ERGIC3: variants seen among roughly 807,000 people sequenced by gnomAD.
ERGIC3 encodes the protein endoplasmic reticulum-Golgi intermediate compartment protein 3.
In ERGIC3, 33 loss-of-function variants were observed where a neutral mutation model predicts 54.7. The observed-to-expected ratio is 0.60, with a 90% CI of 0.46 to 0.81. ERGIC3 has a LOEUF of 0.81. Ranked by LOEUF, ERGIC3 falls within the 30% of genes least tolerant of loss-of-function variation. ERGIC3 has a pLI of 0.00. For missense variants in ERGIC3, 399 were observed against 488.4 expected (o/e 0.82, Z 1.73); for synonymous variants, 186 against 189.8 (o/e 0.98, Z 0.16).
In ERGIC3 at chr20:35,557,521, C is replaced by CTCTG. The variant is rs752902521; in HGVS notation, c.*21_*24dup. 5.6e-6 allele frequency: 9 copies of CTCTG among 1,610,308 alleles called. No individual in the cohort carries two copies. The East Asian group carries it at 1.6e-4, about 28-fold the overall frequency. On this transcript the variant is annotated 3_prime_UTR_variant, in exon 13 of 13. Transcript: ENST00000348547. ...ACAACGTAGTCACCCTCGGTGCTTC[C>CTCTG]TCTGTCTCCTCTTTCTCCCTGGCCT...
chr20:35,554,385 G>A, intron 7 of ERGIC3: 3 of 1,614,172 alleles, frequency 1.9e-6, no homozygotes, highest in Admixed American at 1.7e-5. Context: ...ATGCTGTGGA[G>A]AGTAAGTGGC....
At chr20:35,543,281 C>G in intron 4 of ERGIC3, 1 of 343,986 alleles carries the variant, frequency 2.9e-6, no homozygotes, top group South Asian at 2.4e-5. Context: ...TTTGCTTTCC[C>G]AGCCCATTGG....
chr20:35,557,400 G>A, intron 12 of ERGIC3, 25 bp from the exon 13 acceptor site: 3 of 1,613,262 alleles, frequency 1.9e-6, no homozygotes, highest in Admixed American at 1.7e-5. Flanking sequence ...CACTGGGCCA[G>A]TGCCAGCCCT....
chr20:35,543,727 C>A, intron 4 of ERGIC3: 2 of 470,542 alleles, frequency 4.3e-6, no homozygotes, highest in South Asian at 1.5e-5. Context: ...TGGAGGAGAG[C>A]AAAGTCATGG....
intron 9 of ERGIC3, 31 bp from the exon 10 acceptor site, chr20:35,556,176 A>C (rs765418897): frequency 6.2e-7 from 1 of 1,614,060 alleles, no homozygotes. Context: ...CCGGCCGGGC[A>C]CCCATACCCA....
Position 35,542,841 on chromosome 20 carries a change from G to T in ERGIC3, c.267G>T (p.Met89Ile). Reference sequence around the variant, plus strand: ...TTCCAGATCTGAGTATTGATGCCATGGATGTGGCCGGAGAACAGCAGCTGG... The same window carrying T: ...TTCCAGATCTGAGTATTGATGCCATTGATGTGGCCGGAGAACAGCAGCTGG... ...MPCAYLSIDA[M>I]DVAGEQQLDV... Residue 89 changes from methionine (M) to isoleucine (I), a missense_variant, in exon 4 of 13, where the codon ATG (methionine) becomes ATT (isoleucine). By Grantham distance (10) the Met-to-Ile change is conservative. Transcript: ENST00000348547. 1 of 1,614,120 alleles carries T rather than the reference G, an allele frequency of 6.2e-7. No homozygotes were observed. The highest frequency in any genetic ancestry group is 1.3e-5 in the African/African-American group (1 of 75,032).
At chr20:35,545,879 G>A (rs1032545155) in intron 4 of ERGIC3, among the ~76,000 whole-genome samples, 2 of 152,186 alleles carry the variant, frequency 1.3e-5, no homozygotes, top group African/African-American at 4.8e-5. Flanking sequence ...ATTTAGAGGA[G>A]TTATCAGCAG....
At chr20:35,543,282 A>G (rs559455968) in intron 4 of ERGIC3, 117 of 343,762 alleles carry the variant, frequency 3.4e-4, no homozygotes, top group South Asian at 5.0e-4. Context: ...TTGCTTTCCC[A>G]GCCCATTGGC....
intron 4 of ERGIC3, chr20:35,544,131 T>A (rs1277898496): frequency 5.2e-6 from 1 of 191,530 alleles, no homozygotes; most frequent in African/African-American, 2.4e-5. Context: ...CTTGGCTCAC[T>A]GCAACCTCCG....
intron 7 of ERGIC3, among the ~76,000 whole-genome samples, chr20:35,553,019 G>GTTTTTTTTTTTTTTT (rs2064689546): frequency 3.2e-4 from 4 of 12,642 alleles, no homozygotes; most frequent in Admixed American, 1.1e-3. Flanking sequence ...CAAAGCTGGG[G>GTTTTTTTTTTTTTTT]ATTTTTTTTT....
intron 12 of ERGIC3, 74 bp from the exon 13 acceptor site, chr20:35,557,351 T>TTAAG: frequency 6.2e-7 from 1 of 1,608,824 alleles, no homozygotes; most frequent in Non-Finnish European, 8.5e-7. Flanking sequence ...GCCTGGCCAG[T>TTAAG]TAAGTGACAA....
chr20:35,543,051 C>T lies in ERGIC3; in HGVS notation c.367+110C>T, dbSNP rs528439565. Reference sequence around the variant, plus strand: ...TAGTGATACATTAAACAACTAAGAGCTAGAGAAGTCAAGTGACTTGCCTAG... The same window carrying T: ...TAGTGATACATTAAACAACTAAGAGTTAGAGAAGTCAAGTGACTTGCCTAG... On this transcript the variant is annotated intron_variant, in intron 4 of 12. Coordinates refer to ENST00000348547, the MANE Select transcript of ERGIC3 (RefSeq NM_015966.3). 223 of 1,533,834 alleles carry T rather than the reference C, an allele frequency of 1.5e-4. 1 individual carries two copies. Among genetic ancestry groups the T allele is most frequent in the Non-Finnish European group, 2.0e-4 (222 of 1,128,048 alleles).
intron 4 of ERGIC3, chr20:35,543,382 C>A: frequency 3.0e-6 from 1 of 338,710 alleles, no homozygotes; most frequent in South Asian, 2.4e-5. Flanking sequence ...GGGTTCACAT[C>A]TAGCTTTGTC....
At chr20:35,546,195 A>G (rs1366565980) in intron 4 of ERGIC3, among the ~76,000 whole-genome samples, 1 of 152,216 alleles carries the variant, frequency 6.6e-6, no homozygotes, top group African/African-American at 2.4e-5. Context: ...GAAAGGAACA[A>G]TTTTGATACT....
intron 7 of ERGIC3, among the ~76,000 whole-genome samples, chr20:35,551,159 C>T (rs778408435): frequency 4.0e-5 from 6 of 151,664 alleles, no homozygotes; most frequent in African/African-American, 9.7e-5. Context: ...CCGGGCGTAG[C>T]GGCGTGCGCC....
At position 35,542,204 on chromosome 20, in the gene ERGIC3, G is replaced by C; in HGVS notation, c.88+19G>C. The C allele has an allele frequency of 5.0e-6, 8 of 1,585,280 alleles. No homozygotes were observed. Among genetic ancestry groups the C allele is most frequent in the South Asian group, 1.1e-5 (1 of 86,988 alleles). The stretch of plus-strand genomic sequence containing the variant: ...GCCACCGGTAGGCCGCAGCGGGGCC[G>C]GGGTCGCGTGGAGGGGGGCGTCCTA... On this transcript the variant is annotated intron_variant, in intron 1 of 12. Transcript: ENST00000348547.
chr20:35,552,822 G>A (rs2064688235), intron 7 of ERGIC3, among the ~76,000 whole-genome samples: 1 of 152,078 alleles, frequency 6.6e-6, no homozygotes, highest in South Asian at 2.1e-4. Context: ...GGAACTGGGA[G>A]GCCCGGGTAC....
chr20:35,556,110 C>A lies in ERGIC3; in HGVS notation c.795C>A (p.Thr265=). The A allele has an allele frequency of 1.9e-6, 3 of 1,614,178 alleles. No homozygotes were observed. The highest frequency in any genetic ancestry group is 2.5e-6 in the Non-Finnish European group (3 of 1,180,030). ...GCATTGTGAACCCCCTGGACCACAC[C>A]AATGTCACTGCGCCCCAAGGTACCA... ...YPGIVNPLDH[T]NVTAPQASMM... The change falls in exon 9 of 13, where the codon ACC becomes ACA. Residue 265 remains threonine (T), a synonymous_variant. Coordinates refer to ENST00000348547, the MANE Select transcript of ERGIC3 (RefSeq NM_015966.3).
intron 7 of ERGIC3, chr20:35,554,517 G>A: frequency 9.8e-6 from 9 of 921,990 alleles, no homozygotes; most frequent in Non-Finnish European, 1.5e-5. Flanking sequence ...ACTGTAAAAG[G>A]TCTGGGATGT....
Sources: allele counts gnomAD v4.1 joint callset (sites outside exome capture counted in the v4.1 genomes callset), GRCh38; gene constraint gnomAD v4.1.1; transcripts MANE v1.5; gene names NCBI Gene and HGNC (gene_info 2026-07-23, HGNC 2026-07-21).